The following SORCS1 variants were observed in gnomAD, a reference collection of about 807,000 sequenced individuals.
The protein encoded by SORCS1 is VPS10 domain-containing receptor SorCS1.
In SORCS1, 60 loss-of-function variants were observed where a neutral mutation model predicts 146.1. The ratio of observed to expected loss-of-function variants is 0.41; its 90% CI spans 0.33 to 0.51. The LOEUF is 0.51. Among genes scored for constraint, SORCS1 ranks in the 20% least tolerant of loss-of-function variants. The pLI is 0.21. For missense variants in SORCS1, 1,352 were observed against 1,487.6 expected (o/e 0.91, Z 1.50); for synonymous variants, 637 against 584.0 (o/e 1.09, Z -1.31).
At chr10:106,604,668 T>G (rs2133366016) in intron 23 of SORCS1, among the ~76,000 whole-genome samples, 1 of 152,340 alleles carries the variant, frequency 6.6e-6, no homozygotes, top group African/African-American at 2.4e-5. Context: ...TTATTGTCCT[T>G]GTTTTTCTCC....
chr10:106,922,770 T>A (rs1211941584), intron 2 of SORCS1, among the ~76,000 whole-genome samples: 2 of 152,338 alleles, frequency 1.3e-5, no homozygotes, highest in South Asian at 2.1e-4. Flanking sequence ...GACTAATGTA[T>A]AATAACAATG....
At chr10:106,697,455 C>CA (rs5787684) in intron 9 of SORCS1, among the ~76,000 whole-genome samples, 116,289 of 147,734 alleles carry the variant, frequency 0.79, 48,115 homozygotes, top group Non-Finnish European at 0.93. Flanking sequence ...GACTCCATCT[C>CA]AAAATAAATA....
At chr10:106,813,286 G>T (rs7906135) in intron 3 of SORCS1, among the ~76,000 whole-genome samples, 2 of 151,268 alleles carry the variant, frequency 1.3e-5, no homozygotes, top group East Asian at 3.9e-4. Context: ...GCACCCACCC[G>T]CAAGCCCAGC....
chr10:107,148,534 C>T (rs1196963438), intron 1 of SORCS1, among the ~76,000 whole-genome samples: 1 of 152,140 alleles, frequency 6.6e-6, no homozygotes, highest in Non-Finnish European at 1.5e-5. Context: ...ACAGATATAG[C>T]CCATGGGCTA....
At chr10:106,740,058 A>G (rs931469654) in intron 5 of SORCS1, among the ~76,000 whole-genome samples, 1 of 152,082 alleles carries the variant, frequency 6.6e-6, no homozygotes, top group Non-Finnish European at 1.5e-5. Context: ...AGCTATCTCC[A>G]CATGTTTTGT....
chr10:106,623,535 C>A (rs535542101), intron 19 of SORCS1, among the ~76,000 whole-genome samples: 1 of 152,008 alleles, frequency 6.6e-6, no homozygotes, highest in Admixed American at 6.5e-5. Flanking sequence ...TGAGCCACCA[C>A]GCCCGGCTGA....
At chr10:107,075,476 G>A (rs1962797587) in intron 1 of SORCS1, among the ~76,000 whole-genome samples, 1 of 152,092 alleles carries the variant, frequency 6.6e-6, no homozygotes, top group Admixed American at 6.6e-5. Flanking sequence ...CACAGAAGAT[G>A]GCAGAGGGTA....
At chr10:106,774,929 T>A (rs953249844) in intron 4 of SORCS1, among the ~76,000 whole-genome samples, 2 of 152,176 alleles carry the variant, frequency 1.3e-5, no homozygotes, top group African/African-American at 4.8e-5. Context: ...TAATTATCCA[T>A]ACAAACACAT....
intron 5 of SORCS1, among the ~76,000 whole-genome samples, chr10:106,740,360 T>C (rs1408893739): frequency 1.3e-5 from 2 of 152,124 alleles, no homozygotes; most frequent in Non-Finnish European, 2.9e-5. Flanking sequence ...GCATGGCAGA[T>C]GGTTGATTCT....
At chr10:107,002,174 A>C (rs959786910) in intron 1 of SORCS1, among the ~76,000 whole-genome samples, 10 of 152,358 alleles carry the variant, frequency 6.6e-5, no homozygotes, top group African/African-American at 2.4e-4. Flanking sequence ...TCACCACAAA[A>C]GGTGTTAAGC....
intron 2 of SORCS1, among the ~76,000 whole-genome samples, chr10:106,861,602 C>G (rs1564746335): frequency 6.6e-6 from 1 of 151,820 alleles, no homozygotes; most frequent in South Asian, 2.1e-4. Context: ...GTTCAAATAC[C>G]CTCAATTGGC....
intron 2 of SORCS1, among the ~76,000 whole-genome samples, chr10:106,866,882 C>A (rs1335856871): frequency 2.0e-5 from 3 of 152,202 alleles, no homozygotes; most frequent in Non-Finnish European, 2.9e-5. Context: ...TAAAGGAACA[C>A]CCACATGCAG....
intron 8 of SORCS1, among the ~76,000 whole-genome samples, chr10:106,702,476 C>T (rs562651076): frequency 6.4e-4 from 97 of 152,232 alleles, no homozygotes; most frequent in African/African-American, 2.1e-3. Flanking sequence ...TCACCTATAC[C>T]GGCCACTTCT....
At chr10:106,892,705 C>T (rs1448993438) in intron 2 of SORCS1, among the ~76,000 whole-genome samples, 1 of 152,150 alleles carries the variant, frequency 6.6e-6, no homozygotes, top group Non-Finnish European at 1.5e-5. Flanking sequence ...TGTAGTATTA[C>T]TGGCCAAATA....
intron 2 of SORCS1, among the ~76,000 whole-genome samples, chr10:106,891,504 C>CTTGTTTTTTTTTTTTTTTTTTTTTT (rs1951231292): frequency 1.0e-5 from 1 of 97,260 alleles, no homozygotes; most frequent in Non-Finnish European, 2.3e-5. Context: ...AATGGGAATT[C>CTTGTTTTTTTTTTTTTTTTTTTTTT]TTTTTTTTTT....
the SORCS1 span, among the ~76,000 whole-genome samples, chr10:107,171,516 T>C: frequency 2.8e-4 from 41 of 145,532 alleles, no homozygotes; most frequent in Middle Eastern, 3.5e-3. Context: ...GAATCCCCCT[T>C]TTTTTTTTTT....
intron 18 of SORCS1, among the ~76,000 whole-genome samples, chr10:106,638,927 A>C (rs777284147): frequency 2.6e-5 from 4 of 152,176 alleles, no homozygotes; most frequent in Admixed American, 1.3e-4. Flanking sequence ...CAAGTCAGAT[A>C]ATCTGTGATT....
chr10:106,672,850 C>G lies in SORCS1; in HGVS notation c.2058+18G>C. ...ATGCTTCCTGCCCAGGCCTTAGTCTCAGTTCTTTTCCTCCTACCTGGCTGT... is the reference window on the plus strand; with the variant it reads ...ATGCTTCCTGCCCAGGCCTTAGTCTGAGTTCTTTTCCTCCTACCTGGCTGT... On this transcript the variant is annotated intron_variant, in intron 15 of 25. Transcript: ENST00000263054. 6.2e-7 allele frequency: 1 copy of G among 1,604,428 alleles called. No individual in the cohort carries two copies. The highest frequency in any genetic ancestry group is 1.1e-5 in the South Asian group (1 of 90,846).
At position 106,831,518 on chromosome 10, in the gene SORCS1, T is replaced by C. The variant is rs566722768; in HGVS notation, c.627-1845A>G. On this transcript the variant is annotated intron_variant, in intron 2 of 25. Transcript: ENST00000263054. ...TGATTTAATTCGAAAAACACAAAAA[T>C]TGTAATCATCTTAATTAATTTCTGA... is the stretch of plus-strand genomic sequence containing the variant. 2.6e-5 allele frequency among the ~76,000 whole-genome samples: 4 copies of C among 152,280 alleles called. No individual in the cohort carries two copies. In the East Asian group the frequency reaches 7.7e-4, roughly 29 times the overall value.
Sources: gnomAD v4.1 joint callset for allele counts (sites outside exome capture counted in the v4.1 genomes callset) on GRCh38, gnomAD v4.1.1 for gene constraint, MANE v1.5 for transcripts, NCBI Gene and HGNC (gene_info 2026-07-23, HGNC 2026-07-21) for gene names.